The following KLF12 variants were observed in gnomAD, a reference collection of about 807,000 sequenced individuals.
The protein encoded by KLF12 is KLF transcription factor 12.
KLF12 carries 9 observed loss-of-function variants against 37.8 expected under a neutral mutation model. The ratio of observed to expected loss-of-function variants is 0.24; its 90% confidence interval spans 0.14 to 0.42. The LOEUF (loss-of-function observed/expected upper bound fraction) is 0.42. Ranked by LOEUF, KLF12 falls within the 10% of genes least tolerant of loss-of-function variation. KLF12 has a pLI of 1.00. For synonymous variants in KLF12, 208 were observed against 202.1 expected, an observed-to-expected ratio of 1.03 and a Z score of -0.25; for missense variants, 411 against 516.0, an observed-to-expected ratio of 0.80 and a Z score of 1.97.
At chr13:74,055,340 G>GA (rs991099851) in intron 1 of KLF12, among the ~76,000 whole-genome samples, 4 of 151,624 alleles carry the variant, frequency 2.6e-5, no homozygotes, top group East Asian at 1.9e-4. Context: ...TTTATTAGAA[G>GA]AAAAAAAATG....
the KLF12 span, among the ~76,000 whole-genome samples, chr13:74,297,557 T>C: frequency 1.2e-4 from 18 of 152,208 alleles, no homozygotes; most frequent in African/African-American, 4.1e-4. Flanking sequence ...TTTTGCCCCC[T>C]GGGCTTTTGA....
the KLF12 span, among the ~76,000 whole-genome samples, chr13:74,154,612 G>A: frequency 3.3e-5 from 5 of 151,752 alleles, no homozygotes; most frequent in South Asian, 1.0e-3. Context: ...AGCAAAGGGT[G>A]GGCAAGTGTC....
chr13:74,150,478 AT>A, the KLF12 span, among the ~76,000 whole-genome samples: 5 of 152,182 alleles, frequency 3.3e-5, no homozygotes, highest in African/African-American at 1.2e-4. Context: ...TGTGGCTGTA[AT>A]TTTGCAGTTT....
At chr13:74,292,060 TA>T in the KLF12 span, among the ~76,000 whole-genome samples, 1 of 152,240 alleles carries the variant, frequency 6.6e-6, no homozygotes, top group Non-Finnish European at 1.5e-5. Flanking sequence ...AGACCAAAGT[TA>T]AGTTTAATTG....
At chr13:74,071,255 T>G (rs1239960413) in intron 1 of KLF12, among the ~76,000 whole-genome samples, 1 of 152,178 alleles carries the variant, frequency 6.6e-6, no homozygotes, top group Non-Finnish European at 1.5e-5. Flanking sequence ...CTGGCAACAG[T>G]ACACACAGGA....
chr13:73,819,541 T>C (rs1208156927), intron 4 of KLF12, among the ~76,000 whole-genome samples: 2 of 151,152 alleles, frequency 1.3e-5, no homozygotes, highest in African/African-American at 2.4e-5. Context: ...AGATATTTAT[T>C]GAACACCTAC....
intron 3 of KLF12, among the ~76,000 whole-genome samples, chr13:73,871,158 C>T (rs1886443631): frequency 1.3e-5 from 2 of 152,094 alleles, no homozygotes; most frequent in Admixed American, 1.3e-4. Flanking sequence ...GGTTTGGTTG[C>T]CAGCAACAAC....
intron 1 of KLF12, among the ~76,000 whole-genome samples, chr13:74,060,494 G>GTGTGTGTGTGTC (rs1555336643): frequency 7.9e-5 from 10 of 126,084 alleles, no homozygotes; most frequent in Admixed American, 1.6e-4. Context: ...TTGTGTGTGT[G>GTGTGTGTGTGTC]TGTGTGTGTG....
chr13:74,045,174 A>C (rs542033723), intron 1 of KLF12, among the ~76,000 whole-genome samples: 1 of 152,240 alleles, frequency 6.6e-6, no homozygotes, highest in Admixed American at 6.5e-5. Flanking sequence ...TTATTACGGA[A>C]AAGAACAACT....
intron 3 of KLF12, among the ~76,000 whole-genome samples, chr13:73,934,082 G>A (rs1270272301): frequency 6.6e-6 from 1 of 152,062 alleles, no homozygotes; most frequent in Non-Finnish European, 1.5e-5. Context: ...GATTACTCTA[G>A]AATGTACCAT....
the KLF12 span, among the ~76,000 whole-genome samples, chr13:74,285,428 A>T: frequency 6.6e-6 from 1 of 152,220 alleles, no homozygotes; most frequent in African/African-American, 2.4e-5. Flanking sequence ...TTTCTCTCAT[A>T]AAACAGAAAG....
At chr13:74,265,640 A>G in the KLF12 span, among the ~76,000 whole-genome samples, 4 of 152,300 alleles carry the variant, frequency 2.6e-5, no homozygotes, top group South Asian at 2.1e-4. Flanking sequence ...TGTTCAGGTG[A>G]TAGAGTCTTG....
chr13:73,740,400 A>G (rs1232812525), intron 6 of KLF12, among the ~76,000 whole-genome samples: 1 of 152,208 alleles, frequency 6.6e-6, no homozygotes, highest in East Asian at 1.9e-4. Context: ...CACTCAGTCT[A>G]TGGCATTTTG....
At chr13:74,211,235 T>C in the KLF12 span, among the ~76,000 whole-genome samples, 2 of 152,178 alleles carry the variant, frequency 1.3e-5, no homozygotes, top group Admixed American at 6.6e-5. Context: ...ACCAGTTCCC[T>C]TGGGTCCTTG....
chr13:73,875,341 T>C (rs1360167935), intron 3 of KLF12, among the ~76,000 whole-genome samples: 1 of 152,178 alleles, frequency 6.6e-6, no homozygotes, highest in Non-Finnish European at 1.5e-5. Context: ...AGTTCTAATA[T>C]TTTTGAAAAT....
At chr13:74,032,603 G>A (rs992464702) in intron 1 of KLF12, among the ~76,000 whole-genome samples, 2 of 152,086 alleles carry the variant, frequency 1.3e-5, no homozygotes, top group African/African-American at 2.4e-5. Context: ...TGACACATGA[G>A]TATTATTCAA....
At chr13:73,729,741 C>G (rs1876922719) in intron 6 of KLF12, among the ~76,000 whole-genome samples, 1 of 152,152 alleles carries the variant, frequency 6.6e-6, no homozygotes, top group Non-Finnish European at 1.5e-5. Context: ...TAGTAGCAGT[C>G]AGCTGTGTAG....
the KLF12 span, among the ~76,000 whole-genome samples, chr13:74,234,964 C>G: frequency 2.6e-5 from 4 of 152,210 alleles, no homozygotes; most frequent in Non-Finnish European, 4.4e-5. Flanking sequence ...ACCTATCTAT[C>G]TATCTAACTA....
chr13:73,852,552 C>T (rs544389263), intron 3 of KLF12, among the ~76,000 whole-genome samples: 63 of 152,150 alleles, frequency 4.1e-4, no homozygotes, highest in Non-Finnish European at 5.9e-4. Flanking sequence ...GAGGCTGAGG[C>T]GGCGGATCAC....
Sources: gnomAD v4.1 joint callset for allele counts (sites outside exome capture counted in the v4.1 genomes callset) on GRCh38, gnomAD v4.1.1 for gene constraint, MANE v1.5 for transcripts, NCBI Gene and HGNC (gene_info 2026-07-23, HGNC 2026-07-21) for gene names.